Variants in GPM6A observed in about 807,000 individuals in gnomAD.
GPM6A encodes the protein glycoprotein M6A.
A neutral mutation model predicts 32.1 loss-of-function variants in GPM6A; 7 were observed. The ratio of observed to expected loss-of-function variants is 0.22; its 90% CI spans 0.12 to 0.41. The LOEUF (loss-of-function observed/expected upper bound fraction) is 0.41. Among genes scored for constraint, GPM6A ranks in the 10% least tolerant of loss-of-function variants. The pLI is 1.00. For missense variants in GPM6A, 235 were observed against 347.2 expected, an observed-to-expected ratio of 0.68 and a Z score of 2.57; for synonymous variants, 130 against 123.4, an observed-to-expected ratio of 1.05 and a Z score of -0.35.
intron 1 of GPM6A, among the ~76,000 whole-genome samples, chr4:175,762,752 T>C (rs1732799501): frequency 6.6e-6 from 1 of 152,214 alleles, no homozygotes; most frequent in African/African-American, 2.4e-5. Context: ...CAAGGGCCAG[T>C]GCAGATGATT....
intron 1 of GPM6A, among the ~76,000 whole-genome samples, chr4:175,708,372 T>TTTAC (rs928431951): frequency 3.4e-5 from 5 of 148,890 alleles, no homozygotes; most frequent in African/African-American, 7.4e-5. Flanking sequence ...ATTTTATTTA[T>TTTAC]TTATTTATTT....
At chr4:175,933,342 C>T (rs775916849) in intron 1 of GPM6A, among the ~76,000 whole-genome samples, 1 of 152,222 alleles carries the variant, frequency 6.6e-6, no homozygotes, top group South Asian at 2.1e-4. Context: ...AAGTTGACAA[C>T]ACTTCCTGTA....
At chr4:175,785,842 G>C (rs1170843391) in intron 1 of GPM6A, among the ~76,000 whole-genome samples, 2 of 152,106 alleles carry the variant, frequency 1.3e-5, no homozygotes, top group Non-Finnish European at 2.9e-5. Context: ...CGTGCCACAA[G>C]CCAATCACCA....
chr4:175,934,928 A>G (rs547601194), intron 1 of GPM6A, among the ~76,000 whole-genome samples: 93 of 152,332 alleles, frequency 6.1e-4, no homozygotes, highest in African/African-American at 2.1e-3. Flanking sequence ...TAATGATAAA[A>G]TTAAATTGTT....
chr4:175,658,371 G>T (rs898824456), intron 3 of GPM6A, among the ~76,000 whole-genome samples: 1 of 151,984 alleles, frequency 6.6e-6, no homozygotes, highest in African/African-American at 2.4e-5. Flanking sequence ...TCTGGAAAAA[G>T]AAAAAGTATG....
chr4:175,676,006 T>C (rs1046631641), intron 2 of GPM6A, among the ~76,000 whole-genome samples: 2 of 152,040 alleles, frequency 1.3e-5, no homozygotes, highest in African/African-American at 2.4e-5. Flanking sequence ...AGGTGAATCA[T>C]GGGGGCGGTT....
At chr4:175,982,992 G>A (rs907543472) in intron 1 of GPM6A, among the ~76,000 whole-genome samples, 10 of 151,964 alleles carry the variant, frequency 6.6e-5, no homozygotes, top group African/African-American at 2.4e-4. Flanking sequence ...ATTTGTAAAT[G>A]GTTTTCATTT....
chr4:175,799,075 C>CTTTTTTCA lies in GPM6A; in HGVS notation c.37+13108_37+13115dup, dbSNP rs1468790456. Among the ~76,000 whole-genome samples, 3 of 151,802 alleles carry CTTTTTTCA rather than the reference C, an allele frequency of 2.0e-5. No individual in the cohort carries two copies. The South Asian group carries it at 6.2e-4, about 32-fold the overall frequency. On this transcript the variant is annotated intron_variant, in intron 1 of 6. Transcript: ENST00000393658. ...GTCTACCCTCTCCTTTCCTTTTTTCCTTTTTTCATTTTGCAAAATGGGAAA... is the reference window on the plus strand; with the variant it reads ...GTCTACCCTCTCCTTTCCTTTTTTCCTTTTTTCATTTTTTCATTTTGCAAAATGGGAAA...
chr4:175,913,874 A>G (rs1738400760), intron 1 of GPM6A, among the ~76,000 whole-genome samples: 1 of 152,224 alleles, frequency 6.6e-6, no homozygotes, highest in African/African-American at 2.4e-5. Context: ...ACCTGGTAAC[A>G]GAATATAAAA....
chr4:175,637,159 CAT>C (rs1300665513), intron 6 of GPM6A, among the ~76,000 whole-genome samples: 1 of 67,106 alleles, frequency 1.5e-5, no homozygotes, highest in East Asian at 4.8e-4. Context: ...TTATATGTCA[CAT>C]ATAATATATC....
At chr4:175,793,684 T>C (rs990202407) in intron 1 of GPM6A, among the ~76,000 whole-genome samples, 5 of 152,180 alleles carry the variant, frequency 3.3e-5, no homozygotes, top group Non-Finnish European at 5.9e-5. Flanking sequence ...CCAAGATCCA[T>C]GAATTCTTCT....
chr4:175,766,105 G>A (rs1732954250), intron 1 of GPM6A, among the ~76,000 whole-genome samples: 1 of 152,184 alleles, frequency 6.6e-6, no homozygotes, highest in African/African-American at 2.4e-5. Context: ...GGTCCTACAT[G>A]AGACTGTAAG....
chr4:175,846,376 T>C (rs1290542677), intron 1 of GPM6A, among the ~76,000 whole-genome samples: 5 of 152,126 alleles, frequency 3.3e-5, no homozygotes, highest in Non-Finnish European at 5.9e-5. Flanking sequence ...ATAAACCTCT[T>C]GAATATTGAA....
chr4:175,787,788 T>C (rs1432702461), intron 1 of GPM6A: 1 of 197,074 alleles, frequency 5.1e-6, no homozygotes, highest in African/African-American at 2.4e-5. Flanking sequence ...CCTTACAGAA[T>C]ATAGGCTCCA....
chr4:175,894,538 G>A (rs1737740115), intron 1 of GPM6A, among the ~76,000 whole-genome samples: 1 of 152,116 alleles, frequency 6.6e-6, no homozygotes, highest in Non-Finnish European at 1.5e-5. Flanking sequence ...TGCAAAAAGA[G>A]TGTGTTCCAT....
chr4:175,992,404 A>G (rs1741179173), intron 1 of GPM6A, among the ~76,000 whole-genome samples: 1 of 152,198 alleles, frequency 6.6e-6, no homozygotes, highest in Non-Finnish European at 1.5e-5. Flanking sequence ...TCAGAAAGTC[A>G]GGGTTGAAAA....
At chr4:175,911,786 C>T (rs1738328417) in intron 1 of GPM6A, among the ~76,000 whole-genome samples, 1 of 151,994 alleles carries the variant, frequency 6.6e-6, no homozygotes, top group South Asian at 2.1e-4. Context: ...TAAGAGAGAC[C>T]AAACATCTGA....
intron 2 of GPM6A, among the ~76,000 whole-genome samples, chr4:175,687,775 A>G (rs1003046176): frequency 2.0e-5 from 3 of 152,134 alleles, no homozygotes; most frequent in African/African-American, 7.2e-5. Flanking sequence ...TGGCTGCCCA[A>G]TTTTACATTC....
At position 175,663,181 on chromosome 4, in the gene GPM6A, A is replaced by G. The variant is rs561569894; in HGVS notation, c.387+10499T>C. Reference sequence around the variant, plus strand: ...CATACTGTTGCCATATAATCCTGCCATCAACTCTCTGATATTTACTTGAAT... The same window carrying G: ...CATACTGTTGCCATATAATCCTGCCGTCAACTCTCTGATATTTACTTGAAT... On this transcript the variant is annotated intron_variant, in intron 3 of 6. Coordinates refer to ENST00000393658, the MANE Select transcript of GPM6A (RefSeq NM_201591.3). Among the ~76,000 whole-genome samples, 59 of 152,338 alleles carry G rather than the reference A, an allele frequency of 3.9e-4. 1 individual carries two copies. The South Asian group carries it at 0.012, about 31-fold the overall frequency.
Sources: allele counts gnomAD v4.1 joint callset (sites outside exome capture counted in the v4.1 genomes callset), GRCh38; gene constraint gnomAD v4.1.1; transcripts MANE v1.5; gene names NCBI Gene and HGNC (gene_info 2026-07-23, HGNC 2026-07-21).